TOP6BL: variants seen among roughly 807,000 people sequenced by gnomAD.
TOP6BL encodes the protein TOP6B like initiator of meiotic double strand breaks.
the TOP6BL span, chr11:66,843,149 G>A: frequency 6.2e-7 from 1 of 1,610,278 alleles, no homozygotes; most frequent in Non-Finnish European, 8.5e-7. Flanking sequence ...TCCTCACCCC[G>A]GGCCCCCTTG....
At chr11:66,826,220 T>C in the TOP6BL span, among the ~76,000 whole-genome samples, 1 of 152,180 alleles carries the variant, frequency 6.6e-6, no homozygotes, top group African/African-American at 2.4e-5. Context: ...ACTAATAAAA[T>C]TTATCACTAT....
At chr11:66,775,772 G>A in the TOP6BL span, among the ~76,000 whole-genome samples, 2 of 152,056 alleles carry the variant, frequency 1.3e-5, no homozygotes, top group African/African-American at 4.8e-5. Flanking sequence ...CGAGGACCTG[G>A]GGCTTCCTAT....
At chr11:66,757,867 C>T in the TOP6BL span, among the ~76,000 whole-genome samples, 1 of 152,118 alleles carries the variant, frequency 6.6e-6, no homozygotes. Context: ...GGATTACAGG[C>T]GTGAGCCACC....
At chr11:66,779,126 C>T in the TOP6BL span, among the ~76,000 whole-genome samples, 1 of 152,222 alleles carries the variant, frequency 6.6e-6, no homozygotes, top group African/African-American at 2.4e-5. Flanking sequence ...GTCTAAAACA[C>T]CAAAAGCAAT....
At chr11:66,830,328 C>G in the TOP6BL span, among the ~76,000 whole-genome samples, 1 of 151,910 alleles carries the variant, frequency 6.6e-6, no homozygotes, top group African/African-American at 2.4e-5. Flanking sequence ...ACACAGAAAT[C>G]AAAGGGATAT....
the TOP6BL span, among the ~76,000 whole-genome samples, chr11:66,781,735 T>C: frequency 3.0e-4 from 45 of 152,106 alleles, no homozygotes; most frequent in African/African-American, 1.1e-3. Flanking sequence ...GATGAGTCTT[T>C]CCATGTTGCC....
At chr11:66,776,545 T>C in the TOP6BL span, among the ~76,000 whole-genome samples, 1 of 151,998 alleles carries the variant, frequency 6.6e-6, no homozygotes, top group African/African-American at 2.4e-5. Context: ...CCCAGCACTT[T>C]GGGAGGTCAA....
chr11:66,777,065 A>C, the TOP6BL span, among the ~76,000 whole-genome samples: 18 of 150,204 alleles, frequency 1.2e-4, no homozygotes, highest in African/African-American at 3.7e-4. Context: ...ATCTATATCT[A>C]TATATCTATA....
chr11:66,765,688 A>T, the TOP6BL span, among the ~76,000 whole-genome samples: 3 of 151,888 alleles, frequency 2.0e-5, no homozygotes, highest in African/African-American at 7.3e-5. Flanking sequence ...GCTAATTTTT[A>T]TATTTTTAGT....
At chr11:66,794,841 A>G in the TOP6BL span, among the ~76,000 whole-genome samples, 3 of 152,156 alleles carry the variant, frequency 2.0e-5, no homozygotes, top group Admixed American at 6.6e-5. Context: ...AAAAAAATCT[A>G]CAAAGAAGGG....
chr11:66,807,606 G>A, the TOP6BL span, among the ~76,000 whole-genome samples: 1 of 152,036 alleles, frequency 6.6e-6, no homozygotes, highest in Non-Finnish European at 1.5e-5. Context: ...AATCATAAAA[G>A]CATCAAAGAG....
chr11:66,805,441 G>C, the TOP6BL span, among the ~76,000 whole-genome samples: 1 of 151,908 alleles, frequency 6.6e-6, no homozygotes, highest in Non-Finnish European at 1.5e-5. Context: ...CAAATACAGA[G>C]AGAAAGTTGA....
the TOP6BL span, among the ~76,000 whole-genome samples, chr11:66,811,559 G>A: frequency 6.6e-6 from 1 of 152,114 alleles, no homozygotes; most frequent in Admixed American, 6.6e-5. Context: ...AATGTATAAG[G>A]TTTATAACAT....
At chr11:66,819,061 TA>T in the TOP6BL span, among the ~76,000 whole-genome samples, 7 of 152,242 alleles carry the variant, frequency 4.6e-5, no homozygotes, top group Non-Finnish European at 8.8e-5. Flanking sequence ...GGAAGGTAGA[TA>T]TAGACATAGT....
the TOP6BL span, among the ~76,000 whole-genome samples, chr11:66,803,307 CATG>C: frequency 6.6e-6 from 1 of 152,146 alleles, no homozygotes; most frequent in Non-Finnish European, 1.5e-5. Flanking sequence ...ACAGGCTGGT[CATG>C]ATATCTCACA....
At chr11:66,795,298 CCTT>C in the TOP6BL span, among the ~76,000 whole-genome samples, 1 of 150,766 alleles carries the variant, frequency 6.6e-6, no homozygotes, top group African/African-American at 2.4e-5. Flanking sequence ...CACTTTCTTT[CCTT>C]CTTTTTTTTT....
the TOP6BL span, chr11:66,822,637 G>A: frequency 1.3e-6 from 2 of 1,552,126 alleles, no homozygotes; most frequent in East Asian, 4.9e-5. Flanking sequence ...GGAAGCACTA[G>A]GAGCAGCTTC....
the TOP6BL span, among the ~76,000 whole-genome samples, chr11:66,803,350 G>A: frequency 6.6e-6 from 1 of 152,130 alleles, no homozygotes; most frequent in Admixed American, 6.5e-5. Flanking sequence ...GGGAGGCCAA[G>A]GCAGAAAGAT....
the TOP6BL span, chr11:66,828,622 G>T: frequency 1.8e-5 from 7 of 384,830 alleles, no homozygotes; most frequent in East Asian, 2.8e-4. Flanking sequence ...AGGCAGGAGG[G>T]TAGATTCAGT....
Sources: gnomAD v4.1 joint callset for allele counts (sites outside exome capture counted in the v4.1 genomes callset) on GRCh38, gnomAD v4.1.1 for gene constraint, MANE v1.5 for transcripts, NCBI Gene and HGNC (gene_info 2026-07-23, HGNC 2026-07-21) for gene names.